SCAI: variants seen among roughly 807,000 people sequenced by gnomAD.
SCAI encodes protein SCAI.
A neutral mutation model predicts 92.2 loss-of-function variants in SCAI; 24 were observed. That is an observed-to-expected ratio of 0.26 (90% CI 0.19 to 0.37). SCAI has a LOEUF of 0.37. SCAI is among the 10% of genes least tolerant of loss of function. The pLI, the probability that SCAI is intolerant of heterozygous loss-of-function variation, is 1.00. For synonymous variants in SCAI, 261 were observed against 258.6 expected, an observed-to-expected ratio of 1.01 and a Z score of -0.09; for missense variants, 450 against 736.2, an observed-to-expected ratio of 0.61 and a Z score of 4.50.
At chr9:125,074,242 G>A (rs1220397482) in intron 2 of SCAI, among the ~76,000 whole-genome samples, 2 of 138,908 alleles carry the variant, frequency 1.4e-5, no homozygotes, top group Non-Finnish European at 1.6e-5. Flanking sequence ...CTGGGTGACA[G>A]AGCGAGACTC....
chr9:125,071,260 A>G (rs1833974032), intron 2 of SCAI, among the ~76,000 whole-genome samples: 1 of 152,144 alleles, frequency 6.6e-6, no homozygotes, highest in African/African-American at 2.4e-5. Context: ...TCAGCCTGGC[A>G]TGGTGTTGTG....
Position 125,055,820 on chromosome 9 carries a change from GA to G in SCAI, c.230+55del, listed in dbSNP as rs369812229. The G allele has an allele frequency of 1.4e-5, 20 of 1,472,134 alleles. No individual in the cohort carries two copies. In the South Asian group the frequency reaches 1.6e-4, roughly 12 times the overall value. The allele number at this position is 1,472,134 out of a possible 1,614,324, so 91.2% of individuals were successfully genotyped here. A position where few individuals can be genotyped will look rare whatever the true frequency, so the allele number is the denominator to read the frequency against. ...TCGGAAACTTACCACACATCAGCCA[GA>G]AAAAAAACAAATGCAGAACTAAAGA... is the stretch of plus-strand genomic sequence containing the variant. On this transcript the variant is annotated intron_variant, in intron 3 of 17. Coordinates refer to ENST00000336505, the MANE Select transcript of SCAI (RefSeq NM_001144877.3).
At chr9:125,110,082 T>A (rs1256771525) in intron 2 of SCAI, among the ~76,000 whole-genome samples, 1 of 152,200 alleles carries the variant, frequency 6.6e-6, no homozygotes, top group East Asian at 1.9e-4. Context: ...ACCCACTAGT[T>A]GATATTCTAG....
At chr9:125,049,467 A>G (rs910382766) in intron 3 of SCAI, among the ~76,000 whole-genome samples, 2 of 152,232 alleles carry the variant, frequency 1.3e-5, no homozygotes, top group African/African-American at 4.8e-5. Context: ...GACAGTATTC[A>G]AAGCTTTTTC....
intron 2 of SCAI, among the ~76,000 whole-genome samples, chr9:125,126,589 T>TGTGA (rs10680873): frequency 0.32 from 46,023 of 142,482 alleles, 7,531 homozygotes; most frequent in Middle Eastern, 0.38. Flanking sequence ...TGTGTGTGTG[T>TGTGA]GAGAGAGAGA....
chr9:125,096,055 C>A (rs1049742478), intron 2 of SCAI, among the ~76,000 whole-genome samples: 4 of 152,194 alleles, frequency 2.6e-5, no homozygotes, highest in Non-Finnish European at 4.4e-5. Flanking sequence ...AGTCTGCCAG[C>A]ACTTCCTGGA....
chr9:125,044,011 T>C (rs1035561003), intron 3 of SCAI, among the ~76,000 whole-genome samples: 1 of 152,036 alleles, frequency 6.6e-6, no homozygotes, highest in Non-Finnish European at 1.5e-5. Flanking sequence ...CCCACATGCT[T>C]GAAAGTACCT....
intron 2 of SCAI, among the ~76,000 whole-genome samples, chr9:125,079,997 T>G (rs1217163815): frequency 6.6e-6 from 1 of 151,968 alleles, no homozygotes; most frequent in Non-Finnish European, 1.5e-5. Context: ...GTCTACATAC[T>G]ACCAAAAGCA....
At chr9:124,971,097 G>C (rs994484413) in intron 17 of SCAI, among the ~76,000 whole-genome samples, 5 of 152,164 alleles carry the variant, frequency 3.3e-5, no homozygotes, top group African/African-American at 9.6e-5. Flanking sequence ...TTACAGGCGG[G>C]AGCCACCACG....
intron 17 of SCAI, 182 bp downstream of exon 17, chr9:124,971,188 G>A (rs779503533): frequency 2.5e-5 from 10 of 396,754 alleles, no homozygotes; most frequent in Non-Finnish European, 3.1e-5. Flanking sequence ...TATACTTTAC[G>A]TATTCAAATG....
chr9:125,046,704 T>TAA (rs11453000), intron 3 of SCAI, among the ~76,000 whole-genome samples: 37 of 144,568 alleles, frequency 2.6e-4, no homozygotes, highest in Admixed American at 4.2e-4. Flanking sequence ...TACTGAAATT[T>TAA]AAAAAAAAAA....
rs1464232290 is a variant in SCAI at position 124,951,804 on chromosome 9, G to T, written c.*1003C>A. On this transcript the variant is annotated 3_prime_UTR_variant, in exon 18 of 18. Coordinates refer to ENST00000336505, the MANE Select transcript of SCAI (RefSeq NM_001144877.3). ...TTAAGATAATAAAAATTTTGTGCAT[G>T]AATATAAAATACTAAATACAGGGAA... is the stretch of plus-strand genomic sequence containing the variant. 1 of 152,148 alleles carries T rather than the reference G, an allele frequency of 6.6e-6. No individual in the cohort carries two copies. The highest frequency in any genetic ancestry group is 1.9e-4 in the East Asian group (1 of 5,198). 9.4% of individuals were successfully genotyped at this position (152,148 alleles called of 1,614,324 possible).
chr9:125,136,064 A>G (rs1187387957), intron 2 of SCAI, among the ~76,000 whole-genome samples: 3 of 151,916 alleles, frequency 2.0e-5, no homozygotes. Context: ...AACTCTACAT[A>G]GCAGACCCGT....
At chr9:125,019,066 T>G (rs1832819312) in intron 8 of SCAI, 41 bp downstream of exon 8, 1 of 1,532,882 alleles carries the variant, frequency 6.5e-7, no homozygotes, top group Non-Finnish European at 8.9e-7. Flanking sequence ...ACACGGTCAT[T>G]TATTTATCAA....
chr9:124,982,288 A>G (rs1356047103), intron 14 of SCAI, among the ~76,000 whole-genome samples: 2 of 152,214 alleles, frequency 1.3e-5, no homozygotes, highest in Non-Finnish European at 2.9e-5. Context: ...AAGCCATACA[A>G]GTATTTTGTG....
At chr9:124,953,708 C>G (rs918678722) in intron 17 of SCAI, among the ~76,000 whole-genome samples, 3 of 152,036 alleles carry the variant, frequency 2.0e-5, no homozygotes, top group Admixed American at 2.0e-4. Flanking sequence ...CCACCGTGCC[C>G]GGCCTAGAAA....
intron 3 of SCAI, among the ~76,000 whole-genome samples, chr9:125,041,924 T>C (rs1422125678): frequency 1.3e-5 from 2 of 152,190 alleles, no homozygotes; most frequent in Non-Finnish European, 2.9e-5. Context: ...GAAGTTAATA[T>C]ACGAACCACT....
At chr9:125,077,316 T>C (rs1037470577) in intron 2 of SCAI, among the ~76,000 whole-genome samples, 1 of 152,250 alleles carries the variant, frequency 6.6e-6, no homozygotes, top group African/African-American at 2.4e-5. Flanking sequence ...CTTGTAATAC[T>C]CTATTGTATG....
intron 9 of SCAI, among the ~76,000 whole-genome samples, chr9:125,009,988 A>C (rs111773396): frequency 0.017 from 2,547 of 152,250 alleles, 73 homozygotes; most frequent in African/African-American, 0.059. Context: ...AGGTCAGGAG[A>C]CCAAGACCAT....
Sources: gnomAD v4.1 joint callset for allele counts (sites outside exome capture counted in the v4.1 genomes callset) on GRCh38, gnomAD v4.1.1 for gene constraint, MANE v1.5 for transcripts, NCBI Gene and HGNC (gene_info 2026-07-23, HGNC 2026-07-21) for gene names.